ALK: variants seen among roughly 807,000 people sequenced by gnomAD.
ALK encodes ALK receptor tyrosine kinase.
Under a neutral mutation model 163.1 loss-of-function variants are expected in ALK, and 74 were observed. The ratio of observed to expected loss-of-function variants is 0.45; its 90% confidence interval spans 0.38 to 0.55. The LOEUF (loss-of-function observed/expected upper bound fraction) is 0.55, where lower values mean the gene tolerates loss of function less well. ALK is among the 20% of genes least tolerant of loss of function. The probability of loss-of-function intolerance (pLI) is 0.00; values close to 1 mark genes in which losing one functional copy is unlikely to be tolerated. For synonymous variants in ALK, 960 were observed against 843.2 expected (o/e 1.14, Z -2.40); for missense variants, 2,063 against 2,105.3 (o/e 0.98, Z 0.39).
chr2:29,910,666 CT>C (rs1174853779), intron 1 of ALK, among the ~76,000 whole-genome samples: 1 of 152,166 alleles, frequency 6.6e-6, no homozygotes. Flanking sequence ...CTCTGACTCA[CT>C]GGAAATAATG....
chr2:29,491,487 A>G (rs1671897947), intron 4 of ALK, among the ~76,000 whole-genome samples: 1 of 152,224 alleles, frequency 6.6e-6, no homozygotes. Context: ...TTCATCCAGC[A>G]GGTAGGGAAG....
chr2:29,568,967 G>A (rs1164602842), intron 3 of ALK, among the ~76,000 whole-genome samples: 1 of 152,086 alleles, frequency 6.6e-6, no homozygotes, highest in African/African-American at 2.4e-5. Context: ...TTTTACCTTG[G>A]GTGGGACAGG....
At chr2:29,906,476 A>C (rs2148434440) in intron 1 of ALK, among the ~76,000 whole-genome samples, 1 of 152,358 alleles carries the variant, frequency 6.6e-6, no homozygotes, top group Admixed American at 6.5e-5. Flanking sequence ...GAGGAGACAA[A>C]GAAAAATATA....
At chr2:29,553,877 TG>T (rs1558381585) in intron 3 of ALK, among the ~76,000 whole-genome samples, 2 of 152,356 alleles carry the variant, frequency 1.3e-5, no homozygotes, top group East Asian at 3.9e-4. Context: ...CTGTTTTTTT[TG>T]TTCAGTTATC....
At chr2:29,524,337 G>C (rs1252734550) in intron 4 of ALK, among the ~76,000 whole-genome samples, 1 of 152,218 alleles carries the variant, frequency 6.6e-6, no homozygotes, top group Non-Finnish European at 1.5e-5. Flanking sequence ...CCTGAGAAGA[G>C]CTTTTCCTGA....
At chr2:29,571,081 G>A (rs952662292) in intron 3 of ALK, among the ~76,000 whole-genome samples, 2 of 152,082 alleles carry the variant, frequency 1.3e-5, no homozygotes, top group Non-Finnish European at 2.9e-5. Flanking sequence ...GTCCTGGAGG[G>A]AGATAGTGGA....
At chr2:29,886,929 T>G (rs1429671597) in intron 1 of ALK, among the ~76,000 whole-genome samples, 1 of 152,214 alleles carries the variant, frequency 6.6e-6, no homozygotes, top group East Asian at 1.9e-4. Flanking sequence ...AAAGACTGAA[T>G]GAGGAACATT....
chr2:29,889,695 C>G (rs4561619), intron 1 of ALK, among the ~76,000 whole-genome samples: 8 of 101,872 alleles, frequency 7.9e-5, no homozygotes, highest in South Asian at 7.8e-4. Context: ...GATAGATAGA[C>G]AGAGAGAGAG....
intron 15 of ALK, among the ~76,000 whole-genome samples, chr2:29,230,108 A>T (rs1664152765): frequency 6.6e-6 from 1 of 152,178 alleles, no homozygotes; most frequent in East Asian, 1.9e-4. Flanking sequence ...AGGTTCCAGG[A>T]TCCCTCCATC....
At chr2:29,208,620 G>C (rs558564796) in intron 25 of ALK, among the ~76,000 whole-genome samples, 112 of 152,286 alleles carry the variant, frequency 7.4e-4, no homozygotes, top group Non-Finnish European at 1.3e-3. Flanking sequence ...GTGGTAACAT[G>C]ATGGCCTCAG....
chr2:29,612,422 C>T (rs60819934), intron 3 of ALK, among the ~76,000 whole-genome samples: 2,190 of 152,198 alleles, frequency 0.014, 49 homozygotes, highest in African/African-American at 0.041. Flanking sequence ...GTTATTTCTA[C>T]GTTTCAGGGT....
chr2:29,215,441 C>T lies in ALK; in HGVS notation c.3646-1360G>A, dbSNP rs867298651. On this transcript the variant is annotated intron_variant, in intron 23 of 28. Coordinates refer to ENST00000389048, the MANE Select transcript of ALK (RefSeq NM_004304.5). ...AACTGAGAGTGGATAGTTCCCCTAC[C>T]GGTGCCTTACATGCCCCAGAGCACA... is the stretch of plus-strand genomic sequence containing the variant. Among the ~76,000 whole-genome samples the T allele has an allele frequency of 2.8e-4, 42 of 152,288 alleles. No individual in the cohort carries two copies. In the Middle Eastern group the frequency reaches 0.017, roughly 62 times the overall value.
At chr2:29,388,771 G>A (rs896764816) in intron 4 of ALK, among the ~76,000 whole-genome samples, 3 of 152,178 alleles carry the variant, frequency 2.0e-5, no homozygotes, top group Non-Finnish European at 2.9e-5. Context: ...AAGGAGAAAG[G>A]AATATAGTAA....
chr2:29,326,795 C>A (rs951636400), intron 6 of ALK, among the ~76,000 whole-genome samples: 3 of 152,214 alleles, frequency 2.0e-5, no homozygotes, highest in African/African-American at 7.2e-5. Context: ...CTTCTCCACC[C>A]CCCACAAAGG....
chr2:29,235,523 T>C (rs1217380633), intron 13 of ALK, among the ~76,000 whole-genome samples: 2 of 152,084 alleles, frequency 1.3e-5, no homozygotes, highest in Non-Finnish European at 2.9e-5. Context: ...ATTTCCCATA[T>C]GTATGTGCAG....
Position 29,705,696 on chromosome 2 carries a change from A to AT in ALK, c.788-10683dup, listed in dbSNP as rs1445970461. ...AGAAAATTAATCCCTTTGTGCCTCA[A>AT]TTTTTTCAACTGAAAAATAAGAATT... On this transcript the variant is annotated intron_variant, in intron 2 of 28. Coordinates refer to ENST00000389048, the MANE Select transcript of ALK (RefSeq NM_004304.5). Among the ~76,000 whole-genome samples, 4 of 152,134 alleles carry AT rather than the reference A, an allele frequency of 2.6e-5. No individual in the cohort carries two copies. In the South Asian group the frequency reaches 8.3e-4, roughly 32 times the overall value.
chr2:29,378,060 G>T (rs1357908940), intron 5 of ALK, among the ~76,000 whole-genome samples: 1 of 152,202 alleles, frequency 6.6e-6, no homozygotes, highest in Non-Finnish European at 1.5e-5. Flanking sequence ...ATAGTGGCCT[G>T]CTATAAAATG....
At chr2:29,528,124 C>T (rs1673009575) in intron 4 of ALK, among the ~76,000 whole-genome samples, 1 of 152,224 alleles carries the variant, frequency 6.6e-6, no homozygotes, top group South Asian at 2.1e-4. Context: ...AAATGATTGG[C>T]AACTTCTATC....
At chr2:29,667,849 T>C (rs1404396337) in intron 3 of ALK, among the ~76,000 whole-genome samples, 3 of 152,132 alleles carry the variant, frequency 2.0e-5, no homozygotes, top group Admixed American at 6.6e-5. Context: ...TTGAAGAGTT[T>C]GAGCAAAATT....
Sources: gnomAD v4.1 joint callset for allele counts (sites outside exome capture counted in the v4.1 genomes callset) on GRCh38, gnomAD v4.1.1 for gene constraint, MANE v1.5 for transcripts, NCBI Gene and HGNC (gene_info 2026-07-23, HGNC 2026-07-21) for gene names.